Variants in CYP3A5 observed in about 807,000 individuals in gnomAD.
CYP3A5 encodes the protein cytochrome P450 family 3 subfamily A member 5, also known as cytochrome P450 3A5.
In CYP3A5, 51 loss-of-function variants were observed where a neutral mutation model predicts 55.9. The ratio of observed to expected loss-of-function variants is 0.91; its 90% CI spans 0.73 to 1.15. The LOEUF (loss-of-function observed/expected upper bound fraction) is 1.15, where lower values mean the gene tolerates loss of function less well. Ranked by LOEUF, CYP3A5 falls within the 50% of genes most tolerant of loss-of-function variation. The pLI is 0.00. For synonymous variants in CYP3A5, 196 were observed against 213.9 expected, an observed-to-expected ratio of 0.92 and a Z score of 0.73; for missense variants, 533 against 596.6, an observed-to-expected ratio of 0.89 and a Z score of 1.11.
At position 99,662,803 on chromosome 7, in the gene CYP3A5, A is replaced by G. The variant is rs1388230900; in HGVS notation, c.865+13T>C. 2 of 1,612,308 alleles carry G rather than the reference A, an allele frequency of 1.2e-6. No individual in the cohort carries two copies. Among genetic ancestry groups the G allele is most frequent in the Non-Finnish European group, 1.7e-6 (2 of 1,178,608 alleles). ...GTCCCCGCCAGTAGCCCTCAGAAGCACTCCTTGGTTACCTTTGTGGGACTC... is the reference window on the plus strand; with the variant it reads ...GTCCCCGCCAGTAGCCCTCAGAAGCGCTCCTTGGTTACCTTTGTGGGACTC... On this transcript the variant is annotated intron_variant, in intron 9 of 12. Coordinates refer to ENST00000222982, the MANE Select transcript of CYP3A5 (RefSeq NM_000777.5). This position sits in a 1 kb window ranked among gnomAD's most constrained non-coding sequence, Gnocchi z 4.3.
chr7:99,663,841 T>A (rs1050450303), intron 8 of CYP3A5, 127 bp downstream of exon 8: 1 of 1,383,436 alleles, frequency 7.2e-7, no homozygotes, highest in Non-Finnish European at 9.3e-7. Flanking sequence ...ACCAAATGGC[T>A]TCTCTTGTTC....
chr7:99,668,305 A>G (rs1166696761), intron 4 of CYP3A5, among the ~76,000 whole-genome samples: 2 of 152,234 alleles, frequency 1.3e-5, no homozygotes, highest in Non-Finnish European at 2.9e-5. Context: ...GAGGCATACT[A>G]TATTCACGGG....
At chr7:99,672,898 C>A in intron 3 of CYP3A5, 2 of 1,351,296 alleles carry the variant, frequency 1.5e-6, no homozygotes, top group Non-Finnish European at 1.9e-6. Flanking sequence ...GTAATGTGGT[C>A]CAAACAGGGA....
intron 8 of CYP3A5, chr7:99,663,524 C>CTACA: frequency 1.0e-6 from 1 of 993,060 alleles, no homozygotes. Flanking sequence ...TTACCACACA[C>CTACA]TACATGTCAG....
chr7:99,678,056 A>G (rs1291423660), intron 1 of CYP3A5, among the ~76,000 whole-genome samples: 1 of 152,188 alleles, frequency 6.6e-6, no homozygotes, highest in Non-Finnish European at 1.5e-5. Context: ...CATCTATTGC[A>G]TGTAATTGTG....
chr7:99,679,523 G>A (rs1411300755), intron 1 of CYP3A5, among the ~76,000 whole-genome samples: 2 of 152,110 alleles, frequency 1.3e-5, no homozygotes, highest in African/African-American at 4.8e-5. Context: ...GTAATCTGCC[G>A]CTGCCATGTT....
In CYP3A5 at chr7:99,679,790, A is replaced by G. The variant is rs1812659194; in HGVS notation, c.71+36T>C. 3 of 1,608,236 alleles carry G rather than the reference A, an allele frequency of 1.9e-6. No individual in the cohort carries two copies. In the Admixed American group the frequency reaches 5.0e-5, roughly 27 times the overall value. ...GGGGCCCGATTAGCACCCCAAGTCC[A>G]AGGAAACAAAGAGAGGAGTTTGGAC... On this transcript the variant is annotated intron_variant, in intron 1 of 12. Coordinates refer to ENST00000222982, the MANE Select transcript of CYP3A5 (RefSeq NM_000777.5).
intron 7 of CYP3A5, among the ~76,000 whole-genome samples, chr7:99,664,370 C>CT (rs2151417954): frequency 6.6e-6 from 1 of 152,310 alleles, no homozygotes; most frequent in African/African-American, 2.4e-5. Flanking sequence ...ACCTCTTAGC[C>CT]TTTATCTATT....
chr7:99,679,433 A>G (rs41300719), intron 1 of CYP3A5, among the ~76,000 whole-genome samples: 3,382 of 152,244 alleles, frequency 0.022, 58 homozygotes, highest in Non-Finnish European at 0.034. Flanking sequence ...CAAAAATGCA[A>G]GCCACTCCTT....
intron 8 of CYP3A5, chr7:99,663,433 G>T: frequency 3.0e-6 from 3 of 989,930 alleles, no homozygotes; most frequent in South Asian, 4.6e-5. Flanking sequence ...GGCTCGTGAA[G>T]GCAAAGCTGA....
chr7:99,674,631 A>G, intron 2 of CYP3A5, 46 bp from the exon 3 acceptor site: 2 of 1,539,424 alleles, frequency 1.3e-6, no homozygotes, highest in East Asian at 2.3e-5. Context: ...TTTAAATAGA[A>G]TAAACCCTAC....
chr7:99,673,400 C>T (rs1331048735), intron 3 of CYP3A5, among the ~76,000 whole-genome samples: 1 of 152,212 alleles, frequency 6.6e-6, no homozygotes, highest in East Asian at 1.9e-4. Context: ...GCTGAGACCA[C>T]CTTATAAAAT....
In CYP3A5 at chr7:99,653,573, AG is replaced by A. The variant is rs1413413009; in HGVS notation, c.1027-795del. On this transcript the variant is annotated intron_variant, in intron 10 of 12. Coordinates refer to ENST00000222982, the MANE Select transcript of CYP3A5 (RefSeq NM_000777.5). The surrounding 1 kb of genome is among the most constrained non-coding windows in gnomAD (Gnocchi z 4.2). The stretch of plus-strand genomic sequence containing the variant: ...TACCAAGGTACACAATTTGAGTTCT[AG>A]TTAAAGTTATGAAGAGAATAGAACC... 1.3e-5 allele frequency among the ~76,000 whole-genome samples: 2 copies of A among 152,234 alleles called. No individual in the cohort carries two copies. Among genetic ancestry groups the A allele is most frequent in the Non-Finnish European group, 2.9e-5 (2 of 68,046 alleles).
intron 8 of CYP3A5, chr7:99,663,443 A>G: frequency 1.0e-6 from 1 of 989,966 alleles, no homozygotes; most frequent in Non-Finnish European, 1.2e-6. Context: ...GGCAAAGCTG[A>G]GTTAGCCAGC....
chr7:99,651,313 CAT>C (rs1188045681), intron 11 of CYP3A5, among the ~76,000 whole-genome samples: 1 of 152,114 alleles, frequency 6.6e-6, no homozygotes, highest in Non-Finnish European at 1.5e-5. Flanking sequence ...TTATGTAAAT[CAT>C]ATGGATTTAT....
chr7:99,660,776 A>G (rs1011915383), intron 9 of CYP3A5, 117 bp from the exon 10 acceptor site: 33 of 1,240,460 alleles, frequency 2.7e-5, no homozygotes, highest in Non-Finnish European at 3.3e-5. Context: ...AAGCAATTCA[A>G]AGTCACACTG....
Position 99,665,147 on chromosome 7 carries a change from G to A in CYP3A5, c.670+19C>T. On this transcript the variant is annotated intron_variant, in intron 7 of 12. Coordinates refer to ENST00000222982, the MANE Select transcript of CYP3A5 (RefSeq NM_000777.5). ...GCAGTTATTTTTAAAAAGAGAGAAA[G>A]AAATAATAGCCCACATACTTATTGA... 6.4e-7 allele frequency: 1 copy of A among 1,563,670 alleles called. No homozygotes were observed. Among genetic ancestry groups the A allele is most frequent in the Non-Finnish European group, 8.7e-7 (1 of 1,150,280 alleles).
At chr7:99,660,057 ACTGCACCCACTGTC>A (rs1810255707) in intron 10 of CYP3A5, 2 of 306,960 alleles carry the variant, frequency 6.5e-6, no homozygotes, top group Non-Finnish European at 9.5e-6. Context: ...GGCTGGGTGC[ACTGCACCCACTGTC>A]CTGCACCCAC....
chr7:99,668,602 T>C (rs374437527), intron 4 of CYP3A5, among the ~76,000 whole-genome samples: 5 of 152,310 alleles, frequency 3.3e-5, no homozygotes, highest in African/African-American at 1.2e-4. Context: ...TGGACTAGTA[T>C]CCATAATTTG....
Sources: allele counts gnomAD v4.1 joint callset (sites outside exome capture counted in the v4.1 genomes callset), GRCh38; gene constraint gnomAD v4.1.1; non-coding constraint Gnocchi (gnomAD v3.1); transcripts MANE v1.5; gene names NCBI Gene and HGNC (gene_info 2026-07-23, HGNC 2026-07-21).